The following COPB1 variants were observed in gnomAD, a reference collection of about 807,000 sequenced individuals.
The protein encoded by COPB1 is coatomer subunit beta.
In COPB1, 21 loss-of-function variants were observed where a neutral mutation model predicts 108.7. That is an observed-to-expected ratio of 0.19 (90% confidence interval 0.14 to 0.28). The LOEUF (loss-of-function observed/expected upper bound fraction) is 0.28, where lower values mean the gene tolerates loss of function less well. COPB1 is among the 10% of genes least tolerant of loss of function. The pLI is 1.00. For missense variants in COPB1, 919 were observed against 1,141.3 expected (o/e 0.81, Z 2.81); for synonymous variants, 378 against 386.8 (o/e 0.98, Z 0.27).
At position 14,479,669 on chromosome 11, in the gene COPB1, C is replaced by T; in HGVS notation, c.1258G>A (p.Val420Ile). 6.2e-7 allele frequency: 1 copy of T among 1,607,636 alleles called. No homozygotes were observed. The highest frequency in any genetic ancestry group is 8.5e-7 in the Non-Finnish European group (1 of 1,177,816). ...ATGGCTTCACGAACAAACTCCAAGA[C>T]ATCAGCAGCTGCTGCTTCGTTGTTG... ...SDNNEAAAADVLEFVREAIQR... is the reference protein window; with the variant it reads ...SDNNEAAAADILEFVREAIQR... The change falls in exon 11 of 22, where the codon GTC becomes ATC. Residue 420 changes from valine (V) to isoleucine (I), a missense_variant. Val to Ile is a conservative substitution (Grantham distance 29). This residue lies in a region of COPB1 where 705 missense variants were observed against 817.8 expected (regional missense o/e 0.86). Transcript: ENST00000439561.
Position 14,488,566 on chromosome 11 carries a change from A to C in COPB1, c.625T>G (p.Leu209Val). The change falls in exon 6 of 22, where the codon TTA becomes GTA. Residue 209 changes from leucine (L) to valine (V), a missense_variant. Leu to Val is a conservative substitution (Grantham distance 32). Around this residue, in one of 5 missense-constraint regions of COPB1, gnomAD observed 78 missense variants for 95.4 expected, o/e 0.82. Coordinates refer to ENST00000439561, the MANE Select transcript of COPB1 (RefSeq NM_001144061.2). ...HADQDRALDY[L>V]STCIDQVQTF... is the part of the protein sequence containing the mutation. ...TGAACTTGATCAATGCAAGTACTTA[A>C]GTAATCCAAAGCTCGATCCTAAAAA... The C allele has an allele frequency of 2.5e-6, 4 of 1,605,234 alleles. No individual in the cohort carries two copies. Among genetic ancestry groups the C allele is most frequent in the Non-Finnish European group, 2.6e-6 (3 of 1,174,708 alleles).
chr11:14,488,730 G>C (rs1322152787), intron 5 of COPB1, 146 bp from the exon 6 acceptor site: 2 of 424,844 alleles, frequency 4.7e-6, no homozygotes, highest in African/African-American at 4.0e-5. Context: ...AAAAAATCAA[G>C]AATAAAATTA....
chr11:14,491,395 C>T (rs905753766), intron 4 of COPB1, among the ~76,000 whole-genome samples: 7 of 152,084 alleles, frequency 4.6e-5, no homozygotes, highest in Non-Finnish European at 5.9e-5. Flanking sequence ...AGGAGCCGGG[C>T]GCAGTGGCTC....
Position 14,490,627 on chromosome 11 carries a change from C to G in COPB1, c.544G>C (p.Val182Leu). ...TTGCAACTTGCATCCTTCTCATTCA[C>G]CAGAAAATCATGTATCAGTTCAGGA... The part of the protein sequence containing the change: ...DAPELIHDFL[V>L]NEKDASCKRN... Residue 182 changes from valine to leucine, a missense_variant, in exon 5 of 22, where the codon GTG becomes CTG. By Grantham distance (32) the Val-to-Leu change is conservative (BLOSUM62 1). This residue lies in a region of COPB1 where 78 missense variants were observed against 95.4 expected (regional missense o/e 0.82). Coordinates refer to ENST00000439561, the MANE Select transcript of COPB1 (RefSeq NM_001144061.2). 1.2e-6 allele frequency: 2 copies of G among 1,613,228 alleles called. No homozygotes were observed. Among genetic ancestry groups the G allele is most frequent in the South Asian group, 1.1e-5 (1 of 90,974 alleles).
chr11:14,499,287 A>G (rs1010012128), intron 1 of COPB1, among the ~76,000 whole-genome samples: 2 of 152,108 alleles, frequency 1.3e-5, no homozygotes, highest in African/African-American at 4.8e-5. Flanking sequence ...TTTTTACACA[A>G]CACACAATCT....
rs745568654 is a variant in COPB1 at position 14,483,145 on chromosome 11, C to T, written c.844G>A (p.Ala282Thr). ...SSAPTAIKAAAQCYIDLIIKE... is the reference protein window; with the variant it reads ...SSAPTAIKAATQCYIDLIIKE... Reference sequence around the variant, plus strand: ...ATAATTAAATCAATGTAACACTGAGCAGCAGCCTATATAAAAAAAGAAATA... The same window carrying T: ...ATAATTAAATCAATGTAACACTGAGTAGCAGCCTATATAAAAAAAGAAATA... The change falls in exon 8 of 22, where the codon GCT becomes ACT. Residue 282 changes from alanine to threonine, a missense_variant. Physicochemically the swap from Ala to Thr is moderately conservative, Grantham distance 58. This residue lies in a region of COPB1 where 705 missense variants were observed against 817.8 expected (regional missense o/e 0.86). Coordinates refer to ENST00000439561, the MANE Select transcript of COPB1 (RefSeq NM_001144061.2). The T allele has an allele frequency of 2.6e-6, 4 of 1,542,044 alleles. No individual in the cohort carries two copies. The Admixed American group carries it at 5.9e-5, about 23-fold the overall frequency.
rs752769045 is a variant in COPB1 at position 14,480,910 on chromosome 11, T to C, written c.1066-5A>G. The stretch of plus-strand genomic sequence containing the variant: ...CTTCTTCAGGACAATAACCAGCTTA[T>C]AGAATGAAGTAAAAATAAGTGAGAG... On this transcript the variant is annotated splice_region_variant and splice_polypyrimidine_tract_variant and intron_variant, in intron 9 of 21. Transcript: ENST00000439561. 15 of 1,613,622 alleles carry C rather than the reference T, an allele frequency of 9.3e-6. No homozygotes were observed. Among genetic ancestry groups the C allele is most frequent in the Middle Eastern group, 1.6e-4 (1 of 6,082 alleles).
chr11:14,476,782 T>TG, intron 12 of COPB1, 137 bp downstream of exon 12: 1 of 450,014 alleles, frequency 2.2e-6, no homozygotes, highest in Non-Finnish European at 3.9e-6. Context: ...TTTTTTTTTT[T>TG]AATAAACACA....
At position 14,488,387 on chromosome 11, in the gene COPB1, C is replaced by G. The variant is rs931278196; in HGVS notation, c.699+105G>C. On this transcript the variant is annotated intron_variant, in intron 6 of 21. Coordinates refer to ENST00000439561, the MANE Select transcript of COPB1 (RefSeq NM_001144061.2). ...TAGGCTATGCTATAAAATATTTATA[C>G]TATTAAAATATATTATCCTAGCAAT... is the stretch of plus-strand genomic sequence containing the variant. The G allele has an allele frequency of 1.5e-5, 8 of 531,178 alleles. No homozygotes were observed. In the Admixed American group the frequency reaches 2.1e-4, roughly 14 times the overall value. The allele number at this position is 531,178 out of a possible 1,614,324, so 32.9% of individuals were successfully genotyped here.
intron 2 of COPB1, among the ~76,000 whole-genome samples, chr11:14,494,941 T>C (rs1440727956): frequency 6.6e-6 from 1 of 152,168 alleles, no homozygotes; most frequent in Non-Finnish European, 1.5e-5. Flanking sequence ...AAAACTAAAG[T>C]AGTGGATTAT....
intron 18 of COPB1, among the ~76,000 whole-genome samples, chr11:14,462,233 CTTT>C (rs928263474): frequency 3.7e-5 from 5 of 134,174 alleles, no homozygotes; most frequent in Non-Finnish European, 4.9e-5. Flanking sequence ...CTTTTCTTTT[CTTT>C]TTTTTTTTTT....
rs755336460 is a variant in COPB1 at position 14,479,716 on chromosome 11, T to TAAAAG, written c.1213-7_1213-3dup. On this transcript the variant is annotated splice_polypyrimidine_tract_variant and splice_region_variant and intron_variant, in intron 10 of 21. Transcript: ENST00000439561. ...GTTGTCACTGAGAAATTCCATTAAC[T>TAAAAG]AAAAGAAAAAAAAAAAAAAGAAAAT... 1 of 1,382,052 alleles carries TAAAAG rather than the reference T, an allele frequency of 7.2e-7. No homozygotes were observed. Among genetic ancestry groups the TAAAAG allele is most frequent in the African/African-American group, 1.7e-5 (1 of 57,310 alleles). The allele number at this position is 1,382,052 out of a possible 1,614,324, so 85.6% of individuals were successfully genotyped here.
chr11:14,499,408 C>A (rs1188957362), intron 1 of COPB1, among the ~76,000 whole-genome samples: 1 of 152,200 alleles, frequency 6.6e-6, no homozygotes, highest in African/African-American at 2.4e-5. Context: ...CCTTAATCAA[C>A]GCGCTGCACC....
chr11:14,492,174 A>G lies in COPB1; in HGVS notation c.491+1468T>C, dbSNP rs1050543999. Among the ~76,000 whole-genome samples, 4 of 152,148 alleles carry G rather than the reference A, an allele frequency of 2.6e-5. No individual in the cohort carries two copies. The East Asian group carries it at 7.7e-4, about 29-fold the overall frequency. Reference sequence around the variant, plus strand: ...TGCAAAACTAATTATTCATCATCACACCTCACAAAATTAATAATTTCCTAA... The same window carrying G: ...TGCAAAACTAATTATTCATCATCACGCCTCACAAAATTAATAATTTCCTAA... On this transcript the variant is annotated intron_variant, in intron 4 of 21. Transcript: ENST00000439561.
intron 14 of COPB1, among the ~76,000 whole-genome samples, chr11:14,470,343 G>A (rs900376686): frequency 5.3e-5 from 8 of 152,120 alleles, no homozygotes; most frequent in Admixed American, 1.3e-4. Flanking sequence ...GGTACCTAAA[G>A]TTAGGCTGTC....
intron 21 of COPB1, among the ~76,000 whole-genome samples, 163 bp from the exon 22 acceptor site, chr11:14,458,046 A>G (rs1274877709): frequency 6.7e-6 from 1 of 149,154 alleles, no homozygotes; most frequent in Non-Finnish European, 1.5e-5. Context: ...ATTACCTTTC[A>G]GTGCTAGATT....
intron 7 of COPB1, 79 bp from the exon 8 acceptor site, chr11:14,483,230 A>C (rs1589963631): frequency 1.9e-5 from 1 of 52,634 alleles, no homozygotes; most frequent in Non-Finnish European, 3.7e-5. Context: ...CGCGCACACC[A>C]CACACACACA....
intron 16 of COPB1, among the ~76,000 whole-genome samples, chr11:14,467,540 T>C (rs574957333): frequency 1.3e-5 from 2 of 152,284 alleles, no homozygotes; most frequent in East Asian, 1.9e-4. Context: ...CTTCTAGATA[T>C]ATACCCAAAA....
chr11:14,459,327 T>A (rs1475307637), intron 20 of COPB1, among the ~76,000 whole-genome samples: 1 of 152,212 alleles, frequency 6.6e-6, no homozygotes, highest in Non-Finnish European at 1.5e-5. Context: ...GGACTCAGTA[T>A]ATGCTGAATA....
Sources: gnomAD v4.1 joint callset for allele counts (sites outside exome capture counted in the v4.1 genomes callset) on GRCh38, gnomAD v4.1.1 for gene constraint, gnomAD v4.1.1 regional missense constraint, MANE v1.5 for transcripts, NCBI Gene and HGNC (gene_info 2026-07-23, HGNC 2026-07-21) for gene names.